Variants in HS3ST2 observed in about 807,000 individuals in gnomAD.
The protein encoded by HS3ST2 is heparan sulfate glucosamine 3-O-sulfotransferase 2.
Under a neutral mutation model 26.3 loss-of-function variants are expected in HS3ST2, and 17 were observed. The observed-to-expected ratio is 0.65, with a 90% CI of 0.44 to 0.97. The LOEUF (loss-of-function observed/expected upper bound fraction) is 0.97. Among genes scored for constraint, HS3ST2 ranks in the 50% least tolerant of loss-of-function variants. The probability of loss-of-function intolerance (pLI) is 0.00; values close to 1 mark genes in which losing one functional copy is unlikely to be tolerated. For synonymous variants in HS3ST2, 237 were observed against 219.2 expected, an observed-to-expected ratio of 1.08 and a Z score of -0.72; for missense variants, 402 against 501.2, an observed-to-expected ratio of 0.80 and a Z score of 1.89.
rs146888942 is a variant in HS3ST2 at position 22,830,537 on chromosome 16, A to G, written c.485+15442A>G. ...AGGGCTGGAGAATGAATACCTGCCA[A>G]GGTGGCCTCAGAGATGACACAATTC... On this transcript the variant is annotated intron_variant, in intron 1 of 1. Transcript: ENST00000261374. Among the ~76,000 whole-genome samples the G allele has an allele frequency of 8.8e-4, 134 of 152,348 alleles. 2 individuals carry two copies. In the East Asian group the frequency reaches 0.024, roughly 28 times the overall value.
At chr16:22,870,725 C>T (rs780764432) in intron 1 of HS3ST2, among the ~76,000 whole-genome samples, 32 of 152,260 alleles carry the variant, frequency 2.1e-4, no homozygotes, top group Admixed American at 3.3e-4. Context: ...TCATGCCCAG[C>T]TCCTTCACCC....
chr16:22,862,840 G>T (rs980308121), intron 1 of HS3ST2, among the ~76,000 whole-genome samples: 16 of 152,230 alleles, frequency 1.1e-4, no homozygotes, highest in African/African-American at 3.9e-4. Context: ...TCATGGGCAG[G>T]ATCTGGGTCT....
chr16:22,862,569 T>C (rs1173475690), intron 1 of HS3ST2, among the ~76,000 whole-genome samples: 2 of 152,202 alleles, frequency 1.3e-5, no homozygotes, highest in Non-Finnish European at 2.9e-5. Flanking sequence ...ATGTGTGGGT[T>C]CTGTAGCTTC....
intron 1 of HS3ST2, among the ~76,000 whole-genome samples, chr16:22,900,405 G>C (rs1902267046): frequency 6.6e-6 from 1 of 152,198 alleles, no homozygotes; most frequent in South Asian, 2.1e-4. Flanking sequence ...CTGGAAGCTA[G>C]AAAGTAGAGC....
chr16:22,914,451 A>G (rs1161830537), intron 1 of HS3ST2, among the ~76,000 whole-genome samples: 6 of 152,052 alleles, frequency 3.9e-5, no homozygotes, highest in Non-Finnish European at 7.4e-5. Flanking sequence ...AAAGCCTGTA[A>G]TCCCAGCACT....
At chr16:22,914,736 C>CAAAAAAAAAAAA (rs1159639879) in intron 1 of HS3ST2, among the ~76,000 whole-genome samples, 16 of 35,944 alleles carry the variant, frequency 4.5e-4, no homozygotes, top group African/African-American at 1.5e-3. Context: ...GACCTTGTCT[C>CAAAAAAAAAAAA]AAAAAAAAAA....
At position 22,915,337 on chromosome 16, in the gene HS3ST2, C is replaced by G; in HGVS notation, c.879C>G (p.Gly293=). The G allele has an allele frequency of 6.2e-7, 1 of 1,613,942 alleles. No homozygotes were observed. The highest frequency in any genetic ancestry group is 2.2e-5 in the East Asian group (1 of 44,858). Residue 293 remains glycine, a synonymous_variant, in exon 2 of 2, where the codon GGC becomes GGG. Coordinates refer to ENST00000261374, the MANE Select transcript of HS3ST2 (RefSeq NM_006043.2). ...TGGGGCGAGTCCAGGACTTCCTGGG[C>G]ATTAAGAGATTCATCACGGACAAGC... ...GEMGRVQDFL[G]IKRFITDKHF...
At position 22,865,032 on chromosome 16, in the gene HS3ST2, C is replaced by T. The variant is rs182395369; in HGVS notation, c.486-49912C>T. On this transcript the variant is annotated intron_variant, in intron 1 of 1. Coordinates refer to ENST00000261374, the MANE Select transcript of HS3ST2 (RefSeq NM_006043.2). ...TGCCACTGCACTCCAGCCTGGGTGA[C>T]GAGTAAGACCCTATCTCAAAAAAAA... Among the ~76,000 whole-genome samples the T allele has an allele frequency of 2.2e-4, 23 of 106,956 alleles. No homozygotes were observed. In the Admixed American group the frequency reaches 2.2e-3, roughly 10 times the overall value. The allele number at this position is 106,956 out of a possible 152,430, so 70.2% of individuals were successfully genotyped here.
chr16:22,906,319 C>T (rs529835957), intron 1 of HS3ST2, among the ~76,000 whole-genome samples: 16 of 151,934 alleles, frequency 1.1e-4, no homozygotes, highest in East Asian at 5.8e-4. Flanking sequence ...GGCAGTGAGC[C>T]GAGATTGCGC....
intron 1 of HS3ST2, among the ~76,000 whole-genome samples, chr16:22,913,152 G>A (rs2519969): frequency 0.041 from 3,012 of 73,306 alleles, 98 homozygotes; most frequent in African/African-American, 0.12. Flanking sequence ...GGAAGGAAGG[G>A]AGGGAGGGAG....
chr16:22,882,494 G>A (rs1902001616), intron 1 of HS3ST2, among the ~76,000 whole-genome samples: 2 of 152,188 alleles, frequency 1.3e-5, no homozygotes, highest in African/African-American at 4.8e-5. Flanking sequence ...AGCAATTTGG[G>A]AGGCTGAGAC....
chr16:22,865,289 T>C (rs1901735633), intron 1 of HS3ST2, among the ~76,000 whole-genome samples: 1 of 152,052 alleles, frequency 6.6e-6, no homozygotes, highest in South Asian at 2.1e-4. Flanking sequence ...GCGCGGTGGC[T>C]CATGCCTGTA....
intron 1 of HS3ST2, among the ~76,000 whole-genome samples, chr16:22,894,803 G>A (rs900855745): frequency 2.6e-5 from 4 of 151,382 alleles, no homozygotes; most frequent in African/African-American, 9.7e-5. Flanking sequence ...CTCCAGCCTG[G>A]GAGACAGAGG....
chr16:22,830,132 GTTTGTGATGCTGTC>G lies in HS3ST2; in HGVS notation c.485+15038_485+15051del, dbSNP rs879863171. On this transcript the variant is annotated intron_variant, in intron 1 of 1. Coordinates refer to ENST00000261374, the MANE Select transcript of HS3ST2 (RefSeq NM_006043.2). The stretch of plus-strand genomic sequence containing the variant: ...CCACAGACTCGCTGTAGGATGTTGA[GTTTGTGATGCTGTC>G]ACTGCTTCTCTGTAGGATAGAAGCT... Among the ~76,000 whole-genome samples, 1,066 of 152,256 alleles carry G rather than the reference GTTTGTGATGCTGTC, an allele frequency of 7.0e-3. 9 individuals carry two copies. Among genetic ancestry groups the G allele is most frequent in the South Asian group, 0.013 (64 of 4,830 alleles).
chr16:22,831,796 C>A (rs540914028), intron 1 of HS3ST2, among the ~76,000 whole-genome samples: 1 of 151,880 alleles, frequency 6.6e-6, no homozygotes, highest in Non-Finnish European at 1.5e-5. Flanking sequence ...CTTAGGGCAG[C>A]GGGGAGGGGT....
intron 1 of HS3ST2, among the ~76,000 whole-genome samples, chr16:22,893,991 T>C (rs1902170219): frequency 6.6e-6 from 1 of 152,106 alleles, no homozygotes; most frequent in African/African-American, 2.4e-5. Context: ...TAATTTTCTT[T>C]GTTTGTTTTT....
At chr16:22,828,380 G>A (rs1483235733) in intron 1 of HS3ST2, among the ~76,000 whole-genome samples, 1 of 152,194 alleles carries the variant, frequency 6.6e-6, no homozygotes, top group African/African-American at 2.4e-5. Context: ...TCATCAGCAT[G>A]TATGGGGAGG....
At chr16:22,856,790 C>T (rs931955239) in intron 1 of HS3ST2, among the ~76,000 whole-genome samples, 6 of 152,156 alleles carry the variant, frequency 3.9e-5, no homozygotes, top group African/African-American at 1.4e-4. Context: ...AAGGAATCAC[C>T]TGGATTTTAA....
chr16:22,907,459 G>A (rs1056764563), intron 1 of HS3ST2, among the ~76,000 whole-genome samples: 1 of 152,222 alleles, frequency 6.6e-6, no homozygotes, highest in Admixed American at 6.5e-5. Context: ...GAAATCTGTG[G>A]TCTGAGGAAG....
Sources: allele counts gnomAD v4.1 joint callset (sites outside exome capture counted in the v4.1 genomes callset), GRCh38; gene constraint gnomAD v4.1.1; transcripts MANE v1.5; gene names NCBI Gene and HGNC (gene_info 2026-07-23, HGNC 2026-07-21).